The following PARD3B variants were observed in gnomAD, a reference collection of about 807,000 sequenced individuals.
PARD3B encodes partitioning defective 3 homolog B.
Under a neutral mutation model 130.2 loss-of-function variants are expected in PARD3B, and 103 were observed. The observed-to-expected ratio is 0.79, with a 90% CI of 0.67 to 0.93. The LOEUF is 0.93. Ranked by LOEUF, PARD3B falls within the 40% of genes least tolerant of loss-of-function variation. The pLI, the probability that PARD3B is intolerant of heterozygous loss-of-function variation, is 0.00. For missense variants in PARD3B, 1,609 were observed against 1,499.2 expected, an observed-to-expected ratio of 1.07 and a Z score of -1.21; for synonymous variants, 583 against 553.2, an observed-to-expected ratio of 1.05 and a Z score of -0.76.
intron 15 of PARD3B, among the ~76,000 whole-genome samples, chr2:205,235,938 T>A (rs2039043296): frequency 6.6e-6 from 1 of 152,188 alleles, no homozygotes; most frequent in African/African-American, 2.4e-5. Flanking sequence ...CCAGTTTTCT[T>A]ATAAAGTCAA....
chr2:204,974,200 G>A (rs183365478), intron 3 of PARD3B, among the ~76,000 whole-genome samples: 1 of 152,188 alleles, frequency 6.6e-6, no homozygotes, highest in African/African-American at 2.4e-5. Context: ...TTGGAACTTT[G>A]GGGGGTTTTG....
At chr2:205,296,663 A>ATGTGTGTG (rs3048084) in intron 16 of PARD3B, among the ~76,000 whole-genome samples, 355 of 138,030 alleles carry the variant, frequency 2.6e-3, no homozygotes, top group African/African-American at 6.8e-3. Context: ...GTGTTTGTGT[A>ATGTGTGTG]TGTGTGTGTG....
chr2:204,961,541 G>A (rs1690747223), intron 2 of PARD3B, among the ~76,000 whole-genome samples: 1 of 152,082 alleles, frequency 6.6e-6, no homozygotes, highest in South Asian at 2.1e-4. Flanking sequence ...AGTTATAGAA[G>A]GTCTGGGTTG....
At position 205,258,357 on chromosome 2, in the gene PARD3B, C is replaced by T. The variant is rs964417077; in HGVS notation, c.2185+12535C>T. ...GCCCAGAGTGATCTTCCACTCTATA[C>T]GGCTGATTCACTCTGATTCAATTCT... On this transcript the variant is annotated intron_variant, in intron 16 of 22. Transcript: ENST00000406610. This position sits in a 1 kb window ranked among gnomAD's most constrained non-coding sequence, Gnocchi z 4.9. Among the ~76,000 whole-genome samples, 5 of 152,156 alleles carry T rather than the reference C, an allele frequency of 3.3e-5. No homozygotes were observed. The highest frequency in any genetic ancestry group is 5.9e-5 in the Non-Finnish European group (4 of 68,032).
chr2:204,914,050 C>G (rs1481585600), intron 2 of PARD3B, among the ~76,000 whole-genome samples: 1 of 152,112 alleles, frequency 6.6e-6, no homozygotes, highest in Non-Finnish European at 1.5e-5. Flanking sequence ...AAAAAGGGCT[C>G]CCTAACAGAA....
In PARD3B at chr2:205,591,509, T is replaced by C. The variant is rs1422497872; in HGVS notation, c.3261-23947T>C. On this transcript the variant is annotated intron_variant, in intron 22 of 22. Transcript: ENST00000406610. This position sits in a 1 kb window ranked among gnomAD's most constrained non-coding sequence, Gnocchi z 4.2. Reference sequence around the variant, plus strand: ...CTTTACAGACTTTCTCATTTAACCCTCCTAGCTACTCAGTGGAAGCAAATA... The same window carrying C: ...CTTTACAGACTTTCTCATTTAACCCCCCTAGCTACTCAGTGGAAGCAAATA... Among the ~76,000 whole-genome samples, 6 of 152,188 alleles carry C rather than the reference T, an allele frequency of 3.9e-5. No individual in the cohort carries two copies. The highest frequency in any genetic ancestry group is 1.5e-5 in the Non-Finnish European group (1 of 68,034).
chr2:205,599,576 G>T (rs563576014), intron 22 of PARD3B, among the ~76,000 whole-genome samples: 1 of 152,188 alleles, frequency 6.6e-6, no homozygotes, highest in Admixed American at 6.5e-5. Flanking sequence ...AGGTGTCAGA[G>T]GGCAAGGGAA....
chr2:205,190,333 A>G (rs2036326605), intron 14 of PARD3B, among the ~76,000 whole-genome samples: 1 of 152,216 alleles, frequency 6.6e-6, no homozygotes, highest in Non-Finnish European at 1.5e-5. Flanking sequence ...AGCACTTTAA[A>G]TGCAATCTGA....
At chr2:205,524,872 ACTC>A (rs370011689) in intron 21 of PARD3B, among the ~76,000 whole-genome samples, 60 of 152,012 alleles carry the variant, frequency 3.9e-4, no homozygotes, top group African/African-American at 1.2e-3. Flanking sequence ...TCCAATACAT[ACTC>A]CTCAATGACT....
intron 1 of PARD3B, among the ~76,000 whole-genome samples, chr2:204,638,824 A>G (rs575075434): frequency 1.3e-5 from 2 of 152,302 alleles, no homozygotes; most frequent in Admixed American, 1.3e-4. Context: ...TGTTTTGCAG[A>G]ACTTTAGACC....
intron 3 of PARD3B, among the ~76,000 whole-genome samples, chr2:205,007,716 T>A (rs559627891): frequency 6.6e-6 from 1 of 152,294 alleles, no homozygotes; most frequent in South Asian, 2.1e-4. Flanking sequence ...TTTTTCTAGT[T>A]CTGTGAAGAA....
intron 22 of PARD3B, among the ~76,000 whole-genome samples, chr2:205,561,822 G>T (rs1022448547): frequency 6.6e-6 from 1 of 152,176 alleles, no homozygotes; most frequent in Non-Finnish European, 1.5e-5. Flanking sequence ...ATCTGCATAT[G>T]ACGGGGTTTA....
chr2:205,150,671 G>T (rs2033691943), intron 10 of PARD3B, among the ~76,000 whole-genome samples: 1 of 152,152 alleles, frequency 6.6e-6, no homozygotes, highest in African/African-American at 2.4e-5. Context: ...AACTGTACTT[G>T]GGTGGAGAAT....
At chr2:204,883,752 T>C (rs186441989) in intron 2 of PARD3B, among the ~76,000 whole-genome samples, 2 of 150,258 alleles carry the variant, frequency 1.3e-5, no homozygotes, top group Admixed American at 1.3e-4. Context: ...CCTATATATA[T>C]TTTTTGAGAC....
At chr2:204,618,299 C>T (rs1416754401) in intron 1 of PARD3B, among the ~76,000 whole-genome samples, 2 of 152,068 alleles carry the variant, frequency 1.3e-5, no homozygotes, top group Non-Finnish European at 1.5e-5. Context: ...GGGCACAGAC[C>T]CTTGGATCAC....
intron 4 of PARD3B, among the ~76,000 whole-genome samples, chr2:205,083,716 TTTTCA>T: frequency 6.6e-6 from 1 of 152,186 alleles, no homozygotes. Context: ...TCATGTCTTC[TTTTCA>T]TTTCTTTAGG....
At chr2:205,273,080 T>A (rs952157354) in intron 16 of PARD3B, among the ~76,000 whole-genome samples, 6 of 152,244 alleles carry the variant, frequency 3.9e-5, no homozygotes, top group African/African-American at 1.4e-4. Flanking sequence ...AGTTTTCCAA[T>A]GTAGACATTG....
rs2047031491 is a variant in PARD3B at position 204,906,049 on chromosome 2, T to C, written c.223-59103T>C. 6.6e-6 allele frequency among the ~76,000 whole-genome samples: 1 copy of C among 152,184 alleles called. No individual in the cohort carries two copies. Among genetic ancestry groups the C allele is most frequent in the South Asian group, 2.1e-4 (1 of 4,828 alleles). Reference sequence around the variant, plus strand: ...AAGGGTAGTTGTAGCCATTACTTTATTTTGGGCTAGAGTAATTTTTGCTAA... The same window carrying C: ...AAGGGTAGTTGTAGCCATTACTTTACTTTGGGCTAGAGTAATTTTTGCTAA... On this transcript the variant is annotated intron_variant, in intron 2 of 22. Coordinates refer to ENST00000406610, the MANE Select transcript of PARD3B (RefSeq NM_001302769.2). The surrounding 1 kb of genome is among the most constrained non-coding windows in gnomAD (Gnocchi z 4.3).
intron 1 of PARD3B, among the ~76,000 whole-genome samples, chr2:204,598,930 CT>C (rs1294308620): frequency 1.3e-5 from 2 of 151,450 alleles, no homozygotes; most frequent in East Asian, 3.9e-4. Flanking sequence ...GTCTTTTTTT[CT>C]TTTCATCAAT....
Sources: gnomAD v4.1 joint callset for allele counts (sites outside exome capture counted in the v4.1 genomes callset) on GRCh38, gnomAD v4.1.1 for gene constraint, Gnocchi (gnomAD v3.1) non-coding constraint, MANE v1.5 for transcripts, NCBI Gene and HGNC (gene_info 2026-07-23, HGNC 2026-07-21) for gene names.